The following TTC7B variants were observed in gnomAD, a reference collection of about 807,000 sequenced individuals.
The protein encoded by TTC7B is tetratricopeptide repeat protein 7B.
In TTC7B, 28 loss-of-function variants were observed where a neutral mutation model predicts 106.8. That is an observed-to-expected ratio of 0.26 (90% CI 0.19 to 0.36). The LOEUF (loss-of-function observed/expected upper bound fraction) is 0.36. Ranked by LOEUF, TTC7B falls within the 10% of genes least tolerant of loss-of-function variation. The pLI, the probability that TTC7B is intolerant of heterozygous loss-of-function variation, is 1.00. For missense variants in TTC7B, 862 were observed against 1,076.4 expected (o/e 0.80, Z 2.79); for synonymous variants, 405 against 430.6 (o/e 0.94, Z 0.74).
At chr14:90,701,709 T>TACACACACACACACAC (rs949706676) in intron 5 of TTC7B, among the ~76,000 whole-genome samples, 48 of 150,174 alleles carry the variant, frequency 3.2e-4, no homozygotes, top group African/African-American at 1.2e-3. Context: ...TATATATATA[T>TACACACACACACACAC]ACACACACAC....
intron 3 of TTC7B, among the ~76,000 whole-genome samples, chr14:90,771,027 T>C (rs1264772916): frequency 6.6e-6 from 1 of 152,110 alleles, no homozygotes; most frequent in Non-Finnish European, 1.5e-5. Flanking sequence ...TAGAATGGTG[T>C]CTTCCAGTGG....
rs201999311 is a variant in TTC7B, at chr14:90,541,565, G to A, written c.2335C>T (p.Arg779Cys). ...AGGATCTTCTCCGCCAGACTGTAGC[G>A]GCCTAGCTGGTGAAGGATCAGGGCC... Reference protein sequence around the residue: ...RLALILHQLGRYSLAEKILRD... With the variant: ...RLALILHQLGCYSLAEKILRD... Residue 779 changes from arginine to cysteine, a missense_variant, in exon 20 of 20, where the codon CGC (arginine) becomes TGC (cysteine). Physicochemically the swap from Arg to Cys is radical, Grantham distance 180. Transcript: ENST00000328459. 2.3e-4 allele frequency: 375 copies of A among 1,602,136 alleles called. 1 individual carries two copies. The highest frequency in any genetic ancestry group is 1.1e-3 in the Admixed American group (64 of 59,672).
intron 9 of TTC7B, among the ~76,000 whole-genome samples, chr14:90,661,117 G>A (rs970476127): frequency 3.3e-5 from 5 of 152,246 alleles, no homozygotes; most frequent in Admixed American, 6.5e-5. Context: ...AAGAGAAAGC[G>A]CGTGGCCCTG....
At chr14:90,583,247 C>A (rs1304864041) in intron 18 of TTC7B, among the ~76,000 whole-genome samples, 1 of 152,236 alleles carries the variant, frequency 6.6e-6, no homozygotes, top group Non-Finnish European at 1.5e-5. Context: ...AAACTGTAGA[C>A]AACTCCTAGC....
rs994572684 is a variant in TTC7B at position 90,578,727 on chromosome 14, C to A, written c.2108-419G>T. On this transcript the variant is annotated intron_variant, in intron 18 of 19. Coordinates refer to ENST00000328459, the MANE Select transcript of TTC7B (RefSeq NM_001010854.2). This position sits in a 1 kb window ranked among gnomAD's most constrained non-coding sequence, Gnocchi z 4.7. ...AGCAGACCAGAGGCACCCAGACCCT[C>A]AGAGGGCAACGGCTCTGCCCTCTGA... is the stretch of plus-strand genomic sequence containing the variant. Among the ~76,000 whole-genome samples the A allele has an allele frequency of 6.6e-6, 1 of 151,938 alleles. No individual in the cohort carries two copies. Among genetic ancestry groups the A allele is most frequent in the Non-Finnish European group, 1.5e-5 (1 of 67,996 alleles).
intron 3 of TTC7B, among the ~76,000 whole-genome samples, chr14:90,754,972 ATCACT>A (rs1890242865): frequency 6.6e-6 from 1 of 152,220 alleles, no homozygotes; most frequent in Admixed American, 6.5e-5. Context: ...TTTTAAACTG[ATCACT>A]TCAGTAGCAT....
At chr14:90,790,105 T>G (rs1414037396) in intron 1 of TTC7B, among the ~76,000 whole-genome samples, 1 of 152,124 alleles carries the variant, frequency 6.6e-6, no homozygotes, top group Non-Finnish European at 1.5e-5. Flanking sequence ...ATATGATCAC[T>G]GTTTATAGAA....
At chr14:90,596,421 A>G (rs1566789509) in intron 17 of TTC7B, among the ~76,000 whole-genome samples, 1 of 152,220 alleles carries the variant, frequency 6.6e-6, no homozygotes, top group African/African-American at 2.4e-5. Context: ...AAGGTCTGGC[A>G]GATGATGATG....
chr14:90,653,784 C>A (rs1390812178), intron 12 of TTC7B, among the ~76,000 whole-genome samples: 2 of 152,128 alleles, frequency 1.3e-5, no homozygotes, highest in Non-Finnish European at 2.9e-5. Flanking sequence ...TAGAGAGAAC[C>A]TCAGAAAGGA....
At chr14:90,553,449 C>G (rs961758624) in intron 19 of TTC7B, among the ~76,000 whole-genome samples, 2 of 152,256 alleles carry the variant, frequency 1.3e-5, no homozygotes, top group Non-Finnish European at 2.9e-5. Context: ...CTCCGATGCA[C>G]AGCCCCTGCT....
At chr14:90,800,571 GGAGGCC>G (rs1297589288) in intron 1 of TTC7B, among the ~76,000 whole-genome samples, 1 of 152,070 alleles carries the variant, frequency 6.6e-6, no homozygotes, top group Non-Finnish European at 1.5e-5. Context: ...CAGCACTTTG[GGAGGCC>G]GAGGCAGGCG....
At chr14:90,626,925 A>G (rs1204312106) in intron 15 of TTC7B, among the ~76,000 whole-genome samples, 1 of 152,066 alleles carries the variant, frequency 6.6e-6, no homozygotes, top group Admixed American at 6.6e-5. Flanking sequence ...TTTTTGGCAA[A>G]CTTCTGTCTG....
chr14:90,650,212 T>C (rs1885655979), intron 13 of TTC7B, among the ~76,000 whole-genome samples: 1 of 152,220 alleles, frequency 6.6e-6, no homozygotes, highest in Non-Finnish European at 1.5e-5. Flanking sequence ...TTACGCTTCT[T>C]GTCCAAGAAC....
intron 3 of TTC7B, among the ~76,000 whole-genome samples, chr14:90,756,393 T>TG (rs1408903571): frequency 4.0e-5 from 6 of 150,182 alleles, no homozygotes; most frequent in Non-Finnish European, 7.4e-5. Flanking sequence ...TGTTTTTTTT[T>TG]TTTGTTTTTT....
chr14:90,752,767 G>C (rs1053186751), intron 3 of TTC7B, among the ~76,000 whole-genome samples: 1 of 152,228 alleles, frequency 6.6e-6, no homozygotes, highest in African/African-American at 2.4e-5. Context: ...GATAAAGCCA[G>C]GTTCCGACCC....
intron 17 of TTC7B, among the ~76,000 whole-genome samples, chr14:90,598,145 C>T (rs1448139719): frequency 4.6e-5 from 7 of 152,218 alleles, no homozygotes; most frequent in Admixed American, 3.3e-4. Context: ...TGCGCCTCTC[C>T]CCGCAGTCAC....
chr14:90,627,905 GT>G (rs1884520794), intron 15 of TTC7B, among the ~76,000 whole-genome samples: 1 of 152,182 alleles, frequency 6.6e-6, no homozygotes, highest in South Asian at 2.1e-4. Flanking sequence ...AGATGACCTG[GT>G]CAGGTGCAAC....
intron 5 of TTC7B, among the ~76,000 whole-genome samples, chr14:90,727,263 T>C (rs1187464837): frequency 6.6e-6 from 1 of 152,008 alleles, no homozygotes; most frequent in Non-Finnish European, 1.5e-5. Flanking sequence ...GGGAGGGTGA[T>C]GGACAGTCAA....
chr14:90,673,227 T>C (rs1429406749), intron 9 of TTC7B, among the ~76,000 whole-genome samples: 3 of 152,200 alleles, frequency 2.0e-5, no homozygotes, highest in African/African-American at 7.2e-5. Context: ...AATTTATTCA[T>C]AAAGACAGAT....
Sources: allele counts gnomAD v4.1 joint callset (sites outside exome capture counted in the v4.1 genomes callset), GRCh38; gene constraint gnomAD v4.1.1; non-coding constraint Gnocchi (gnomAD v3.1); transcripts MANE v1.5; gene names NCBI Gene and HGNC (gene_info 2026-07-23, HGNC 2026-07-21).